The following APC variants were observed in gnomAD, a reference collection of about 807,000 sequenced individuals.
The protein encoded by APC is APC regulator of Wnt signaling pathway.
Under a neutral mutation model 247.0 loss-of-function variants are expected in APC, and 72 were observed. The ratio of observed to expected loss-of-function variants is 0.29; its 90% CI spans 0.24 to 0.35. The LOEUF (loss-of-function observed/expected upper bound fraction) is 0.35, where lower values mean the gene tolerates loss of function less well. Among genes scored for constraint, APC ranks in the 10% least tolerant of loss-of-function variants. APC has a pLI of 1.00. For synonymous variants in APC, 1,254 were observed against 1,162.5 expected, an observed-to-expected ratio of 1.08 and a Z score of -1.60; for missense variants, 3,400 against 3,360.7, an observed-to-expected ratio of 1.01 and a Z score of -0.29.
intron 11 of APC, among the ~76,000 whole-genome samples, chr5:112,822,416 C>T (rs1763238229): frequency 6.6e-6 from 1 of 152,112 alleles, no homozygotes; most frequent in Non-Finnish European, 1.5e-5. Context: ...TTAAGATTGT[C>T]ATTTATCTTC....
intron 4 of APC, among the ~76,000 whole-genome samples, chr5:112,767,989 A>G (rs1189178658): frequency 6.6e-6 from 1 of 150,822 alleles, no homozygotes; most frequent in African/African-American, 2.4e-5. Flanking sequence ...AGGCGGTAGG[A>G]TTGCTTGAGG....
chr5:112,798,232 A>G (rs986674203), intron 7 of APC, among the ~76,000 whole-genome samples: 4 of 152,242 alleles, frequency 2.6e-5, no homozygotes, highest in Non-Finnish European at 4.4e-5. Context: ...CCTTCAGTGG[A>G]ATATTATTCA....
In APC at chr5:112,843,955, C is replaced by T. The variant is rs2150003975; in HGVS notation, c.8361C>T (p.Asn2787=). The change falls in exon 16 of 16, where the codon AAC becomes AAT. Residue 2787 remains asparagine (N), a synonymous_variant. Coordinates refer to ENST00000257430, the MANE Select transcript of APC (RefSeq NM_000038.6). This position sits in a 1 kb window ranked among gnomAD's most constrained non-coding sequence, Gnocchi z 4.8. ...CCAGAGTGACTCCTTTTAATTACAA[C>T]CCAAGCCCTAGGAAAAGCAGCGCAG... ...VAARVTPFNY[N]PSPRKSSADS... is the part of the protein sequence containing the mutation. 6.2e-7 allele frequency: 1 copy of T among 1,607,434 alleles called. No individual in the cohort carries two copies. Among genetic ancestry groups the T allele is most frequent in the South Asian group, 1.1e-5 (1 of 90,194 alleles).
intron 1 of APC, among the ~76,000 whole-genome samples, chr5:112,712,423 G>A (rs1466514479): frequency 6.6e-6 from 1 of 152,066 alleles, no homozygotes; most frequent in Non-Finnish European, 1.5e-5. Context: ...GTTTCACTCT[G>A]CCACCCAGAC....
intron 14 of APC, among the ~76,000 whole-genome samples, chr5:112,834,717 TAA>T (rs1430504572): frequency 6.6e-6 from 1 of 152,226 alleles, no homozygotes; most frequent in Non-Finnish European, 1.5e-5. Flanking sequence ...ATAAAGTTTA[TAA>T]AAGTCATTAG....
At chr5:112,787,619 T>C (rs1759111610) in intron 6 of APC, among the ~76,000 whole-genome samples, 1 of 152,184 alleles carries the variant, frequency 6.6e-6, no homozygotes, top group Non-Finnish European at 1.5e-5. Flanking sequence ...CTCATATCCC[T>C]TGCTCATTCC....
At chr5:112,745,935 A>T (rs1753622775) in intron 1 of APC, among the ~76,000 whole-genome samples, 1 of 152,226 alleles carries the variant, frequency 6.6e-6, no homozygotes. Flanking sequence ...AAAGAAATTG[A>T]TAAAATAGAA....
chr5:112,742,991 C>G (rs1753218828), intron 1 of APC, among the ~76,000 whole-genome samples: 1 of 152,206 alleles, frequency 6.6e-6, no homozygotes, highest in African/African-American at 2.4e-5. Context: ...AATGTATTAT[C>G]TTGCAGTCCT....
chr5:112,828,727 G>A (rs917147396), intron 13 of APC, 129 bp from the exon 14 acceptor site: 2 of 669,046 alleles, frequency 3.0e-6, no homozygotes, highest in Non-Finnish European at 5.4e-6. Flanking sequence ...AGGATTACAG[G>A]CGTGAGTCAC....
At chr5:112,736,681 C>T (rs548728683), upstream of APC, among the ~76,000 whole-genome samples, 47 of 152,224 alleles carry the variant, frequency 3.1e-4, 2 homozygotes, top group South Asian at 8.1e-3. Context: ...TTGGAGGGAC[C>T]GAGGTGGGCG....
In APC at chr5:112,837,011, G is replaced by A. The variant is rs140866409; in HGVS notation, c.1959-542G>A. On this transcript the variant is annotated intron_variant, in intron 15 of 15. Transcript: ENST00000257430. The stretch of plus-strand genomic sequence containing the variant: ...CCACTGTGTCTGGCCAAGAGCACTC[G>A]TAAGAAGGATGGCAGTATCACAAAA... Among the ~76,000 whole-genome samples, 222 of 152,222 alleles carry A rather than the reference G, an allele frequency of 1.5e-3. 1 individual carries two copies. The highest frequency in any genetic ancestry group is 3.4e-3 in the Middle Eastern group (1 of 294).
intron 1 of APC, among the ~76,000 whole-genome samples, chr5:112,741,271 A>G (rs1186710156): frequency 6.6e-6 from 1 of 152,236 alleles, no homozygotes; most frequent in Non-Finnish European, 1.5e-5. Context: ...AATCTAAGAT[A>G]TCCTCTAATT....
chr5:112,827,937 A>G lies in APC; in HGVS notation c.1557A>G (p.Leu519=), dbSNP rs765537673. 2.7e-5 allele frequency: 44 copies of G among 1,612,928 alleles called. No individual in the cohort carries two copies. The highest frequency in any genetic ancestry group is 3.5e-5 in the Non-Finnish European group (41 of 1,179,544). Residue 519 remains leucine (L), a synonymous_variant, in exon 13 of 16, where the codon CTA becomes CTG. Transcript: ENST00000257430. ...CTGTATTTAATTTACAGGCTACGCT[A>G]TGCTCTATGAAAGGCTGCATGAGAG... ...TFGDVANKAT[L]CSMKGCMRAL...
chr5:112,715,734 C>T lies in APC; in HGVS notation c.165+7852C>T, dbSNP rs74918407. On this transcript the variant is annotated intron_variant, in intron 1 of 13. Transcript: ENST00000507379. Reference sequence around the variant, plus strand: ...TGTATAAAATGTGTAATGATCAAGTCGGGGTATTTAGAGTACCTGTCATCT... The same window carrying T: ...TGTATAAAATGTGTAATGATCAAGTTGGGGTATTTAGAGTACCTGTCATCT... Among the ~76,000 whole-genome samples, 188 of 152,128 alleles carry T rather than the reference C, an allele frequency of 1.2e-3. 1 individual carries two copies. The highest frequency in any genetic ancestry group is 4.2e-3 in the African/African-American group (174 of 41,492).
At chr5:112,830,331 A>G (rs1195995774) in intron 14 of APC, among the ~76,000 whole-genome samples, 4 of 124,904 alleles carry the variant, frequency 3.2e-5, no homozygotes, top group Admixed American at 9.1e-5. Context: ...ATTAATCATC[A>G]GGGAATACAA....
intron 1 of APC, among the ~76,000 whole-genome samples, chr5:112,744,142 C>T (rs1327004147): frequency 6.6e-6 from 1 of 152,078 alleles, no homozygotes; most frequent in Non-Finnish European, 1.5e-5. Flanking sequence ...GTGCTCACAC[C>T]TGTAACATAT....
intron 9 of APC, among the ~76,000 whole-genome samples, chr5:112,817,802 C>T (rs939239788): frequency 1.3e-5 from 2 of 152,158 alleles, no homozygotes; most frequent in African/African-American, 4.8e-5. Flanking sequence ...GCTCAGAAAA[C>T]TGAGGCTCAG....
chr5:112,711,674 T>C (rs1750856102), intron 1 of APC, among the ~76,000 whole-genome samples: 1 of 152,148 alleles, frequency 6.6e-6, no homozygotes, highest in South Asian at 2.1e-4. Context: ...TGAGCTATGA[T>C]TGGGCCACTG....
intron 1 of APC, among the ~76,000 whole-genome samples, chr5:112,742,806 C>T (rs552041761): frequency 6.6e-6 from 1 of 152,228 alleles, no homozygotes; most frequent in South Asian, 2.1e-4. Context: ...TTAGGATCCA[C>T]CTCTTAAAGG....
Sources: gnomAD v4.1 joint callset for allele counts (sites outside exome capture counted in the v4.1 genomes callset) on GRCh38, gnomAD v4.1.1 for gene constraint, Gnocchi (gnomAD v3.1) non-coding constraint, MANE v1.5 for transcripts, NCBI Gene and HGNC (gene_info 2026-07-23, HGNC 2026-07-21) for gene names.